Variants in RPS6KA5 observed in about 807,000 individuals in gnomAD.
The protein encoded by RPS6KA5 is ribosomal protein S6 kinase A5, also known as ribosomal protein S6 kinase alpha-5.
Under a neutral mutation model 85.5 loss-of-function variants are expected in RPS6KA5, and 27 were observed. The ratio of observed to expected loss-of-function variants is 0.32; its 90% CI spans 0.23 to 0.44. RPS6KA5 has a LOEUF of 0.44. Ranked by LOEUF, RPS6KA5 falls within the 20% of genes least tolerant of loss-of-function variation. The pLI, the probability that RPS6KA5 is intolerant of heterozygous loss-of-function variation, is 1.00. For missense variants in RPS6KA5, 811 were observed against 980.9 expected (o/e 0.83, Z 2.31); for synonymous variants, 334 against 348.2 (o/e 0.96, Z 0.46).
At position 90,858,238 on chromosome 14, in the gene RPS6KA5, T is replaced by C. The variant is rs766748396; in HGVS notation, c.*13836A>G. On this transcript the variant is annotated 3_prime_UTR_variant, in exon 17 of 17. Coordinates refer to ENST00000614987, the MANE Select transcript of RPS6KA5 (RefSeq NM_004755.4). ...ACTGATTTTCAATGTGAAAATAAAA[T>C]ATAAAAACTGTTCTTGATGTTATTT... 20 of 152,154 alleles carry C rather than the reference T, an allele frequency of 1.3e-4. 1 individual carries two copies. The Middle Eastern group carries it at 0.014, about 104-fold the overall frequency. 9.4% of individuals were successfully genotyped at this position (152,154 alleles called of 1,614,324 possible).
At chr14:91,004,230 C>T (rs1239620119) in intron 1 of RPS6KA5, among the ~76,000 whole-genome samples, 2 of 152,176 alleles carry the variant, frequency 1.3e-5, no homozygotes, top group African/African-American at 2.4e-5. Context: ...GGCCTACAGG[C>T]GCCCGCCACC....
chr14:90,907,950 GA>G (rs1327762857), intron 7 of RPS6KA5, among the ~76,000 whole-genome samples: 1 of 152,230 alleles, frequency 6.6e-6, no homozygotes, highest in Non-Finnish European at 1.5e-5. Flanking sequence ...TCAGGGTCAA[GA>G]TAAGCAAATT....
rs748676114 is a variant in RPS6KA5 at position 90,853,329 on chromosome 14, T to C, written c.*18745A>G. 6.6e-6 allele frequency: 1 copy of C among 152,032 alleles called. No homozygotes were observed. The highest frequency in any genetic ancestry group is 1.5e-5 in the Non-Finnish European group (1 of 67,996). 9.4% of individuals were successfully genotyped at this position (152,032 alleles called of 1,614,324 possible). A position where few individuals can be genotyped will look rare whatever the true frequency, so the allele number is the denominator to read the frequency against. On this transcript the variant is annotated 3_prime_UTR_variant, in exon 17 of 17. Transcript: ENST00000614987. ...AAACCTAGCAGAAACAAATGACTAA[T>C]CAAACTAAAATTTCAAAGAGTAGAT... is the stretch of plus-strand genomic sequence containing the variant.
At chr14:91,030,145 C>T (rs113539368) in intron 1 of RPS6KA5, among the ~76,000 whole-genome samples, 2,246 of 152,168 alleles carry the variant, frequency 0.015, 52 homozygotes, top group African/African-American at 0.051. Context: ...AGGCAGAGGA[C>T]TGGGGAGGGC....
chr14:90,933,293 T>C (rs1340316814), intron 5 of RPS6KA5, among the ~76,000 whole-genome samples: 1 of 152,150 alleles, frequency 6.6e-6, no homozygotes, highest in Non-Finnish European at 1.5e-5. Flanking sequence ...CTGCTGTGTG[T>C]CTAATAAATG....
intron 5 of RPS6KA5, among the ~76,000 whole-genome samples, chr14:90,934,422 C>T (rs1199645066): frequency 6.6e-6 from 1 of 151,944 alleles, no homozygotes; most frequent in Non-Finnish European, 1.5e-5. Context: ...ATCTTTTGCC[C>T]TTATGGACTT....
chr14:91,044,413 G>T (rs1393301321), intron 1 of RPS6KA5, among the ~76,000 whole-genome samples: 2 of 87,322 alleles, frequency 2.3e-5, no homozygotes, highest in East Asian at 7.1e-4. Context: ...AAGAAAGAAA[G>T]AAAGAAAGAA....
At chr14:90,873,601 C>A in intron 16 of RPS6KA5, 31 bp downstream of exon 16, 1 of 1,547,146 alleles carries the variant, frequency 6.5e-7, no homozygotes, top group Non-Finnish European at 8.8e-7. Flanking sequence ...CTACTCAAAC[C>A]GCCCAACATG....
intron 5 of RPS6KA5, among the ~76,000 whole-genome samples, chr14:90,924,253 C>G (rs2036549423): frequency 6.6e-6 from 1 of 152,162 alleles, no homozygotes; most frequent in Non-Finnish European, 1.5e-5. Context: ...ATATTTGCTT[C>G]CTCCTGTGTT....
In RPS6KA5 at chr14:90,868,386, G is replaced by C. The variant is rs2032895526; in HGVS notation, c.*3688C>G. 1 of 151,912 alleles carries C rather than the reference G, an allele frequency of 6.6e-6. No individual in the cohort carries two copies. Among genetic ancestry groups the C allele is most frequent in the African/African-American group, 2.4e-5 (1 of 41,368 alleles). The allele number at this position is 151,912 out of a possible 1,614,324, so 9.4% of individuals were successfully genotyped here. Reference sequence around the variant, plus strand: ...CAATCAATTAAAGACTGGAAATTGGGGTATTATCATGTAAGACATTTGAGA... The same window carrying C: ...CAATCAATTAAAGACTGGAAATTGGCGTATTATCATGTAAGACATTTGAGA... On this transcript the variant is annotated 3_prime_UTR_variant, in exon 17 of 17. Transcript: ENST00000614987.
At chr14:90,912,529 G>C (rs1430551860) in intron 7 of RPS6KA5, among the ~76,000 whole-genome samples, 2 of 152,140 alleles carry the variant, frequency 1.3e-5, no homozygotes, top group Non-Finnish European at 2.9e-5. Flanking sequence ...TTATTTTTCA[G>C]GGTTCTGAGG....
Position 90,978,288 on chromosome 14 carries a change from A to G in RPS6KA5, c.394+18T>C, listed in dbSNP as rs370334182. ...GAAAAGTGTTTTCATAAAAAGTCTG[A>G]TAACAACTGACACTTACCTAAAATG... On this transcript the variant is annotated intron_variant, in intron 3 of 16. Coordinates refer to ENST00000614987, the MANE Select transcript of RPS6KA5 (RefSeq NM_004755.4). 5.7e-6 allele frequency: 9 copies of G among 1,570,834 alleles called. No individual in the cohort carries two copies. The highest frequency in any genetic ancestry group is 2.3e-5 in the East Asian group (1 of 44,176).
intron 3 of RPS6KA5, among the ~76,000 whole-genome samples, chr14:90,965,453 A>G (rs2039015183): frequency 9.2e-5 from 14 of 152,262 alleles, no homozygotes; most frequent in Admixed American, 8.5e-4. Context: ...GAGGATTTTA[A>G]GGTGCAAAAG....
At chr14:90,912,303 C>G (rs1195543359) in intron 7 of RPS6KA5, among the ~76,000 whole-genome samples, 1 of 152,216 alleles carries the variant, frequency 6.6e-6, no homozygotes, top group African/African-American at 2.4e-5. Flanking sequence ...TCCCTGCAGT[C>G]CGTGGGCCAG....
rs1291210102 is a variant in RPS6KA5 at position 90,946,377 on chromosome 14, C to CCCTTG, written c.510+1053_510+1057dup. On this transcript the variant is annotated intron_variant, in intron 4 of 16. Coordinates refer to ENST00000614987, the MANE Select transcript of RPS6KA5 (RefSeq NM_004755.4). ...TCATTCAGTCTCCCTAAGATTCCTA[C>CCCTTG]CCTTGAACCATCTCCCTTCACCTGG... is the stretch of plus-strand genomic sequence containing the variant. 2.0e-5 allele frequency among the ~76,000 whole-genome samples: 3 copies of CCCTTG among 152,074 alleles called. No individual in the cohort carries two copies. The East Asian group carries it at 5.8e-4, about 29-fold the overall frequency.
chr14:90,878,431 C>T (rs191686941), intron 14 of RPS6KA5, among the ~76,000 whole-genome samples: 2 of 152,250 alleles, frequency 1.3e-5, no homozygotes, highest in African/African-American at 2.4e-5. Context: ...TTCTAGAATC[C>T]TATTTCCCTG....
chr14:91,010,034 C>T (rs1595464337), intron 1 of RPS6KA5, among the ~76,000 whole-genome samples: 1 of 144,840 alleles, frequency 6.9e-6, no homozygotes, highest in South Asian at 2.2e-4. Context: ...AGGTCAACAG[C>T]GATTTTTTTT....
intron 1 of RPS6KA5, among the ~76,000 whole-genome samples, chr14:91,020,626 G>GTGTA (rs758548702): frequency 2.0e-5 from 3 of 148,834 alleles, no homozygotes; most frequent in Admixed American, 6.7e-5. Flanking sequence ...GTGTGTGTGT[G>GTGTA]TGTGTGTGTG....
chr14:91,031,925 G>A (rs1206746239), intron 1 of RPS6KA5, among the ~76,000 whole-genome samples: 1 of 151,822 alleles, frequency 6.6e-6, no homozygotes, highest in Non-Finnish European at 1.5e-5. Context: ...AGTAGAAACT[G>A]GGAATAAAAT....
Sources: gnomAD v4.1 joint callset for allele counts (sites outside exome capture counted in the v4.1 genomes callset) on GRCh38, gnomAD v4.1.1 for gene constraint, MANE v1.5 for transcripts, NCBI Gene and HGNC (gene_info 2026-07-23, HGNC 2026-07-21) for gene names.